Variants in ROBO2 observed in about 807,000 individuals in gnomAD.
The protein encoded by ROBO2 is roundabout guidance receptor 2, also known as roundabout homolog 2.
Under a neutral mutation model 160.8 loss-of-function variants are expected in ROBO2, and 53 were observed. The observed-to-expected ratio is 0.33, with a 90% CI of 0.26 to 0.41. The LOEUF (loss-of-function observed/expected upper bound fraction) is 0.41. Ranked by LOEUF, ROBO2 falls within the 10% of genes least tolerant of loss-of-function variation. ROBO2 has a pLI of 1.00. For synonymous variants in ROBO2, 664 were observed against 611.7 expected (o/e 1.09, Z -1.26); for missense variants, 1,577 against 1,722.4 (o/e 0.92, Z 1.49).
At chr3:76,051,814 G>T (rs538530030) in intron 2 of ROBO2, among the ~76,000 whole-genome samples, 1 of 151,522 alleles carries the variant, frequency 6.6e-6, no homozygotes, top group Non-Finnish European at 1.5e-5. Flanking sequence ...ATTATTGTAA[G>T]ATAAATTATA....
intron 2 of ROBO2, among the ~76,000 whole-genome samples, chr3:76,250,521 G>C (rs1428000138): frequency 6.6e-6 from 1 of 151,972 alleles, no homozygotes. Context: ...AGTTTGGGTT[G>C]CCATATCTTT....
chr3:77,164,122 A>C (rs2150653459), intron 2 of ROBO2, among the ~76,000 whole-genome samples: 1 of 152,318 alleles, frequency 6.6e-6, no homozygotes, highest in South Asian at 2.1e-4. Flanking sequence ...GCAAGATGTA[A>C]CCATTGGTGG....
At chr3:76,521,295 C>T (rs896008819) in intron 2 of ROBO2, among the ~76,000 whole-genome samples, 2 of 152,002 alleles carry the variant, frequency 1.3e-5, no homozygotes, top group South Asian at 2.1e-4. Context: ...GTGATCCGCC[C>T]GCCTTGGCCT....
intron 2 of ROBO2, among the ~76,000 whole-genome samples, chr3:76,769,277 G>C (rs757739778): frequency 6.6e-6 from 1 of 151,358 alleles, no homozygotes; most frequent in Non-Finnish European, 1.5e-5. Context: ...AGATTATGTG[G>C]GGATCTTGTT....
intron 2 of ROBO2, among the ~76,000 whole-genome samples, chr3:76,650,615 A>C (rs1361894579): frequency 1.3e-5 from 2 of 152,138 alleles, no homozygotes; most frequent in African/African-American, 4.8e-5. Context: ...GTGAAGGTAC[A>C]AGCAGGTAGC....
At chr3:77,098,371 ATTTACT>A (rs1427353851) in intron 2 of ROBO2, 31 bp downstream of exon 2, 1 of 1,601,582 alleles carries the variant, frequency 6.2e-7, no homozygotes, top group African/African-American at 1.3e-5. Flanking sequence ...TCATGTGCAC[ATTTACT>A]TTTATTTATT....
intron 2 of ROBO2, among the ~76,000 whole-genome samples, chr3:77,476,605 G>A (rs2084040132): frequency 6.6e-6 from 1 of 152,050 alleles, no homozygotes; most frequent in South Asian, 2.1e-4. Context: ...AGTCCGATAG[G>A]GCTGAGCCAT....
At chr3:77,490,831 CTT>C (rs924031402) in intron 4 of ROBO2, among the ~76,000 whole-genome samples, 25 of 152,308 alleles carry the variant, frequency 1.6e-4, no homozygotes, top group African/African-American at 5.1e-4. Flanking sequence ...TTTGATCTCT[CTT>C]GTCTGTCCCC....
Position 77,592,929 on chromosome 3 carries a change from C to G in ROBO2, c.2684-2213C>G, listed in dbSNP as rs529103032. The stretch of plus-strand genomic sequence containing the variant: ...TTTACATGTCATGAAGAATTTGCCA[C>G]TGGTTCATGTATTAAAGTTAAGGGC... On this transcript the variant is annotated intron_variant, in intron 17 of 25. Coordinates refer to ENST00000461745, the Ensembl canonical transcript of ROBO2. 2.6e-3 allele frequency among the ~76,000 whole-genome samples: 394 copies of G among 152,270 alleles called. 4 individuals are homozygous for G. The highest frequency in any genetic ancestry group is 9.0e-3 in the African/African-American group (374 of 41,550).
chr3:77,011,622 T>C (rs1164633362), intron 2 of ROBO2, among the ~76,000 whole-genome samples: 1 of 151,928 alleles, frequency 6.6e-6, no homozygotes, highest in Non-Finnish European at 1.5e-5. Flanking sequence ...CCTGTAACCC[T>C]CTGCAAAAGG....
intron 1 of ROBO2, among the ~76,000 whole-genome samples, chr3:77,053,346 T>A (rs2149707263): frequency 6.6e-6 from 1 of 152,320 alleles, no homozygotes; most frequent in South Asian, 2.1e-4. Context: ...TAAACTTATT[T>A]TTTATATAGC....
At chr3:75,967,016 G>A (rs2107325207) in intron 2 of ROBO2, among the ~76,000 whole-genome samples, 1 of 151,782 alleles carries the variant, frequency 6.6e-6, no homozygotes, top group African/African-American at 2.4e-5. Flanking sequence ...GTGTGCATGT[G>A]TATTTATTAA....
chr3:76,271,532 T>C (rs570926191), intron 2 of ROBO2, among the ~76,000 whole-genome samples: 4 of 150,206 alleles, frequency 2.7e-5, no homozygotes, highest in African/African-American at 9.8e-5. Context: ...AGTTAATAAA[T>C]AATACCTGTC....
intron 2 of ROBO2, among the ~76,000 whole-genome samples, chr3:77,322,865 A>T (rs1322493136): frequency 9.6e-6 from 1 of 104,110 alleles, no homozygotes; most frequent in Non-Finnish European, 1.7e-5. Flanking sequence ...TATGTATTAT[A>T]ATATATTATG....
chr3:76,555,425 G>GAAGAGGAAGAAGAA, intron 2 of ROBO2, among the ~76,000 whole-genome samples: 1 of 68,472 alleles, frequency 1.5e-5, no homozygotes. Flanking sequence ...AAGAAAGAAG[G>GAAGAGGAAGAAGAA]AGAAGGGGAA....
At chr3:76,466,198 T>G (rs1478927111) in intron 2 of ROBO2, among the ~76,000 whole-genome samples, 2 of 152,064 alleles carry the variant, frequency 1.3e-5, no homozygotes, top group African/African-American at 4.8e-5. Flanking sequence ...ATATCACTCA[T>G]CTTTATCTTA....
rs1560460313 is a variant in ROBO2, at chr3:76,731,013, T to TG, written c.110-367001_110-367000insG. Among the ~76,000 whole-genome samples the TG allele has an allele frequency of 1.9e-5, 2 of 105,650 alleles. 1 individual carries two copies. The highest frequency in any genetic ancestry group is 6.9e-5 in the African/African-American group (2 of 28,818). 69.3% of individuals were successfully genotyped at this position (105,650 alleles called of 152,430 possible). A position where few individuals can be genotyped will look rare whatever the true frequency, so the allele number is the denominator to read the frequency against. On this transcript the variant is annotated intron_variant, in intron 2 of 26. Transcript: ENST00000487694. Reference sequence around the variant, plus strand: ...CCTCACCTCCTACTCCCTACCCGCTTTTCCTCACCTCCTACTCCCTACCCG... The same window carrying TG: ...CCTCACCTCCTACTCCCTACCCGCTTGTTCCTCACCTCCTACTCCCTACCCG...
intron 2 of ROBO2, among the ~76,000 whole-genome samples, chr3:76,121,466 C>A (rs1023408971): frequency 1.3e-5 from 2 of 152,062 alleles, no homozygotes; most frequent in African/African-American, 2.4e-5. Context: ...GATTATTAAG[C>A]AGATGTACAG....
intron 2 of ROBO2, among the ~76,000 whole-genome samples, chr3:76,786,304 A>G (rs9309750): frequency 0.01 from 1,548 of 151,384 alleles, 22 homozygotes; most frequent in African/African-American, 0.035. Context: ...TTATCGCACC[A>G]CTATAAAGAT....
Sources: gnomAD v4.1 joint callset for allele counts (sites outside exome capture counted in the v4.1 genomes callset) on GRCh38, gnomAD v4.1.1 for gene constraint, MANE v1.5 for transcripts, NCBI Gene and HGNC (gene_info 2026-07-23, HGNC 2026-07-21) for gene names.